PDE5A: variants seen among roughly 807,000 people sequenced by gnomAD.
PDE5A encodes cGMP-specific 3',5'-cyclic phosphodiesterase.
A neutral mutation model predicts 110.2 loss-of-function variants in PDE5A; 67 were observed. The observed-to-expected ratio is 0.61, with a 90% CI of 0.50 to 0.75. The LOEUF is 0.75. Among genes scored for constraint, PDE5A ranks in the 30% least tolerant of loss-of-function variants. The pLI is 0.00. For missense variants in PDE5A, 862 were observed against 1,045.1 expected (o/e 0.82, Z 2.42); for synonymous variants, 328 against 351.2 (o/e 0.93, Z 0.74).
intron 18 of PDE5A, 63 bp from the exon 19 acceptor site, chr4:119,502,718 C>G (rs186059812): frequency 3.9e-5 from 42 of 1,078,424 alleles, no homozygotes; most frequent in Middle Eastern, 2.0e-4. Context: ...AAACAGAGAC[C>G]GTGAATGAAG....
intron 14 of PDE5A, among the ~76,000 whole-genome samples, chr4:119,514,210 C>A (rs1393622354): frequency 6.6e-6 from 1 of 152,122 alleles, no homozygotes; most frequent in Non-Finnish European, 1.5e-5. Flanking sequence ...ATTAGGATGT[C>A]CAATGCAGAA....
chr4:119,542,422 G>C, intron 10 of PDE5A, 37 bp downstream of exon 10: 1 of 1,591,376 alleles, frequency 6.3e-7, no homozygotes, highest in Non-Finnish European at 8.6e-7. Context: ...ATGAGGGTTT[G>C]GCTGTACAGT....
chr4:119,508,396 A>G (rs1578727865), intron 15 of PDE5A, among the ~76,000 whole-genome samples: 1 of 152,064 alleles, frequency 6.6e-6, no homozygotes, highest in Admixed American at 6.6e-5. Flanking sequence ...TGAACTAAGT[A>G]AAATACACAG....
At chr4:119,550,484 G>A (rs1269366054) in intron 9 of PDE5A, 6 of 152,106 alleles carry the variant, frequency 3.9e-5, no homozygotes, top group Non-Finnish European at 5.9e-5. Flanking sequence ...GATGAGTGGC[G>A]CTAACACAAT....
At chr4:119,504,406 G>A (rs1268035883) in intron 18 of PDE5A, 130 bp downstream of exon 18, 3 of 651,576 alleles carry the variant, frequency 4.6e-6, no homozygotes, top group Non-Finnish European at 7.9e-6. Context: ...AAATGGTGCT[G>A]TGATGAACAT....
chr4:119,530,547 A>G (rs953287620), intron 11 of PDE5A, among the ~76,000 whole-genome samples: 7 of 152,282 alleles, frequency 4.6e-5, no homozygotes, highest in Admixed American at 3.3e-4. Flanking sequence ...ATATGTTTCT[A>G]TGTAATTTCA....
At chr4:119,561,141 G>GA (rs1017812219) in intron 6 of PDE5A, among the ~76,000 whole-genome samples, 2 of 151,002 alleles carry the variant, frequency 1.3e-5, no homozygotes, top group Non-Finnish European at 1.5e-5. Context: ...AAATAAGAAA[G>GA]AAAAAAAATT....
chr4:119,588,450 T>A (rs1443311428), intron 3 of PDE5A, among the ~76,000 whole-genome samples: 2 of 151,658 alleles, frequency 1.3e-5, no homozygotes, highest in Non-Finnish European at 2.9e-5. Context: ...GTGCTTGGAT[T>A]ACAGGCGTGA....
intron 9 of PDE5A, among the ~76,000 whole-genome samples, chr4:119,551,479 G>A (rs1345955718): frequency 3.3e-5 from 5 of 152,152 alleles, no homozygotes; most frequent in Non-Finnish European, 5.9e-5. Context: ...TCACAATAAG[G>A]ATGCATTCTA....
intron 11 of PDE5A, among the ~76,000 whole-genome samples, chr4:119,535,465 A>C (rs988964268): frequency 3.3e-5 from 5 of 152,154 alleles, no homozygotes; most frequent in African/African-American, 1.2e-4. Context: ...AAAGGCTGTC[A>C]ATCAATGAAT....
At chr4:119,621,455 A>G (rs1423590731) in intron 1 of PDE5A, among the ~76,000 whole-genome samples, 4 of 152,250 alleles carry the variant, frequency 2.6e-5, no homozygotes, top group African/African-American at 9.6e-5. Flanking sequence ...ACAGTTAACA[A>G]GTAGAAACTC....
At chr4:119,592,019 G>A (rs10028249) in intron 3 of PDE5A, among the ~76,000 whole-genome samples, 147,195 of 150,748 alleles carry the variant, frequency 0.98, 71,957 homozygotes, top group Non-Finnish European at 1. Context: ...GTGTGGTGGC[G>A]CACGCCTGTA....
chr4:119,508,495 G>A (rs1309176322), intron 15 of PDE5A, among the ~76,000 whole-genome samples: 2 of 152,016 alleles, frequency 1.3e-5, no homozygotes, highest in African/African-American at 4.8e-5. Flanking sequence ...AAACCCAGAC[G>A]CTTAGGAATG....
intron 3 of PDE5A, among the ~76,000 whole-genome samples, chr4:119,583,733 G>C (rs1190586981): frequency 6.6e-6 from 1 of 152,182 alleles, no homozygotes; most frequent in Non-Finnish European, 1.5e-5. Flanking sequence ...AGAGAGACAG[G>C]GGAACATGAA....
intron 9 of PDE5A, chr4:119,550,231 CCTTT>C (rs1468790111): frequency 1.3e-5 from 2 of 152,178 alleles, no homozygotes; most frequent in Non-Finnish European, 2.9e-5. Flanking sequence ...CATTTCTTTT[CCTTT>C]CTTTTTATTT....
intron 11 of PDE5A, among the ~76,000 whole-genome samples, chr4:119,538,325 C>A (rs757869767): frequency 6.6e-6 from 1 of 152,168 alleles, no homozygotes; most frequent in Admixed American, 6.5e-5. Flanking sequence ...TCACAACTCA[C>A]ATGGCCCTTA....
At chr4:119,585,236 C>T (rs1728719039) in intron 3 of PDE5A, among the ~76,000 whole-genome samples, 1 of 150,650 alleles carries the variant, frequency 6.6e-6, no homozygotes, top group Non-Finnish European at 1.5e-5. Context: ...GATCATGCCA[C>T]TGCACTCCAG....
At chr4:119,597,746 T>C (rs1429804863) in intron 2 of PDE5A, among the ~76,000 whole-genome samples, 13 of 152,066 alleles carry the variant, frequency 8.5e-5, no homozygotes, top group Admixed American at 6.6e-4. Flanking sequence ...AAAAATAAAT[T>C]AGTCACAGTA....
At chr4:119,519,814 T>TC (rs1726059289) in intron 13 of PDE5A, among the ~76,000 whole-genome samples, 1 of 152,130 alleles carries the variant, frequency 6.6e-6, no homozygotes, top group South Asian at 2.1e-4. Flanking sequence ...AGGACAGTTT[T>TC]CAGTGTTGAT....
Sources: gnomAD v4.1 joint callset for allele counts (sites outside exome capture counted in the v4.1 genomes callset) on GRCh38, gnomAD v4.1.1 for gene constraint, MANE v1.5 for transcripts, NCBI Gene and HGNC (gene_info 2026-07-23, HGNC 2026-07-21) for gene names.